Variants in CUTC observed in about 807,000 individuals in gnomAD.
CUTC encodes copper homeostasis protein cutC homolog.
A neutral mutation model predicts 36.2 loss-of-function variants in CUTC; 27 were observed. The ratio of observed to expected loss-of-function variants is 0.75; its 90% CI spans 0.55 to 1.03. The LOEUF (loss-of-function observed/expected upper bound fraction) is 1.03, where lower values mean the gene tolerates loss of function less well. CUTC is among the 50% of genes least tolerant of loss of function. CUTC has a pLI of 0.00. For synonymous variants in CUTC, 114 were observed against 118.3 expected (o/e 0.96, Z 0.24); for missense variants, 315 against 343.5 (o/e 0.92, Z 0.66).
In CUTC at chr10:99,739,787, C is replaced by G; in HGVS notation, c.193+18C>G. 6.2e-7 allele frequency: 1 copy of G among 1,602,036 alleles called. No individual in the cohort carries two copies. Among genetic ancestry groups the G allele is most frequent in the Non-Finnish European group, 8.5e-7 (1 of 1,175,786 alleles). ...CAGCATGGGTAAGTGTCCATTTTTC[C>G]CAGGTTTTCTGATTGGAGTTCATAG... On this transcript the variant is annotated intron_variant, in intron 3 of 8. Transcript: ENST00000370476.
In CUTC at chr10:99,735,832, C is replaced by G. The variant is rs191861186; in HGVS notation, c.62-414C>G. 1.6e-4 allele frequency among the ~76,000 whole-genome samples: 25 copies of G among 152,310 alleles called. No individual in the cohort carries two copies. The East Asian group carries it at 2.5e-3, about 15-fold the overall frequency. On this transcript the variant is annotated intron_variant, in intron 1 of 8. Transcript: ENST00000370476. The stretch of plus-strand genomic sequence containing the variant: ...TTTATAGAAAACTTAAGTAACTAAT[C>G]TAGGATCTCACACTAAATAGTTGGT...
At chr10:99,732,526 C>T in intron 1 of CUTC, 117 bp downstream of exon 1, 3 of 1,498,164 alleles carry the variant, frequency 2.0e-6, no homozygotes, top group Non-Finnish European at 2.7e-6. Flanking sequence ...CTTCCAGCCC[C>T]TTGGGCGGCA....
At chr10:99,746,405 T>C (rs1489925332) in intron 5 of CUTC, among the ~76,000 whole-genome samples, 1 of 151,970 alleles carries the variant, frequency 6.6e-6, no homozygotes, top group Admixed American at 6.6e-5. Flanking sequence ...AAAATAACTA[T>C]GAGTACTAGG....
chr10:99,751,260 CA>C (rs34434021), intron 7 of CUTC, among the ~76,000 whole-genome samples: 60,803 of 151,986 alleles, frequency 0.4, 12,358 homozygotes, highest in East Asian at 0.61. Context: ...ATTTAATACT[CA>C]ACTTTCTCCA....
chr10:99,741,020 A>C (rs1046171689), intron 3 of CUTC, among the ~76,000 whole-genome samples: 1 of 152,222 alleles, frequency 6.6e-6, no homozygotes, highest in Non-Finnish European at 1.5e-5. Flanking sequence ...TGCGAATTCT[A>C]ACATCTATAT....
At chr10:99,747,650 T>C (rs983425739) in intron 6 of CUTC, among the ~76,000 whole-genome samples, 1 of 152,248 alleles carries the variant, frequency 6.6e-6, no homozygotes, top group African/African-American at 2.4e-5. Flanking sequence ...TTTTACCTTT[T>C]CTCTGCCATG....
Position 99,743,222 on chromosome 10 carries a change from AT to A in CUTC, c.269del (p.Leu90CysfsTer9), listed in dbSNP as rs763602267. The A allele has an allele frequency of 6.2e-7, 1 of 1,614,028 alleles. No individual in the cohort carries two copies. Among genetic ancestry groups the A allele is most frequent in the Non-Finnish European group, 8.5e-7 (1 of 1,179,992 alleles). On this transcript the variant is annotated frameshift_variant, in exon 4 of 9. Transcript: ENST00000370476. LOFTEE classifies it high-confidence loss of function. Reference sequence around the variant, plus strand: ...GTGATGATTCGGCCACGGGGAGGTGATTTTTTGTATTCAGATCGTGAAATTG... The same window carrying A: ...GTGATGATTCGGCCACGGGGAGGTGATTTTTGTATTCAGATCGTGAAATTG... ...VFVMIRPRGGDFLYSDREIEV... is the reference protein window; with the variant it reads ...VFVMIRPRGGXFLYSDREIEV...
At chr10:99,750,422 A>C (rs1231745683) in intron 7 of CUTC, 26 bp downstream of exon 7, 1 of 1,579,870 alleles carries the variant, frequency 6.3e-7, no homozygotes, top group African/African-American at 1.4e-5. Flanking sequence ...TCAATTCACT[A>C]GCATAACACT....
chr10:99,743,837 A>AT (rs1328081121), intron 4 of CUTC, among the ~76,000 whole-genome samples, 200 bp from the exon 5 acceptor site: 6 of 152,136 alleles, frequency 3.9e-5, no homozygotes, highest in Non-Finnish European at 8.8e-5. Flanking sequence ...AGCCACGACC[A>AT]TTTTTTTGTA....
chr10:99,755,448 G>A (rs1223272723), intron 8 of CUTC, among the ~76,000 whole-genome samples, 177 bp from the exon 9 acceptor site: 2 of 150,510 alleles, frequency 1.3e-5, no homozygotes, highest in African/African-American at 2.4e-5. Context: ...CAAGTATACT[G>A]TCCAGTGGAT....
At chr10:99,736,461 G>T in intron 2 of CUTC, 144 bp downstream of exon 2, 3 of 610,174 alleles carry the variant, frequency 4.9e-6, no homozygotes, top group Non-Finnish European at 8.6e-6. Context: ...AAACCCTACT[G>T]GAAAATTATG....
chr10:99,733,737 G>A (rs2037259776), intron 1 of CUTC, among the ~76,000 whole-genome samples: 1 of 152,218 alleles, frequency 6.6e-6, no homozygotes, highest in Non-Finnish European at 1.5e-5. Context: ...ACTCTGAAAA[G>A]TCTCAGAGGC....
At chr10:99,750,969 G>A (rs1431448689) in intron 7 of CUTC, among the ~76,000 whole-genome samples, 1 of 152,112 alleles carries the variant, frequency 6.6e-6, no homozygotes, top group Non-Finnish European at 1.5e-5. Flanking sequence ...TAAAGAATTA[G>A]ATAATACAAC....
chr10:99,744,757 T>G (rs575769357), intron 5 of CUTC, among the ~76,000 whole-genome samples: 29 of 152,348 alleles, frequency 1.9e-4, no homozygotes, highest in East Asian at 9.6e-4. Context: ...ATATAATTTT[T>G]TTTGTTTGTT....
At chr10:99,745,439 A>G (rs2037371479) in intron 5 of CUTC, among the ~76,000 whole-genome samples, 1 of 152,196 alleles carries the variant, frequency 6.6e-6, no homozygotes, top group Non-Finnish European at 1.5e-5. Flanking sequence ...CACCTAATCC[A>G]CTGCAGGCTA....
intron 3 of CUTC, 31 bp from the exon 4 acceptor site, chr10:99,743,122 T>C (rs1288359381): frequency 6.2e-7 from 1 of 1,604,420 alleles, no homozygotes. Flanking sequence ...TAGCTCACAT[T>C]TGAATTTTAA....
chr10:99,750,569 A>G (rs2037408559), intron 7 of CUTC, among the ~76,000 whole-genome samples, 173 bp downstream of exon 7: 1 of 152,188 alleles, frequency 6.6e-6, no homozygotes. Context: ...GATCTGTGCT[A>G]GAATTTAAAA....
intron 8 of CUTC, 73 bp downstream of exon 8, chr10:99,754,707 T>C (rs2037442485): frequency 2.9e-6 from 3 of 1,020,570 alleles, no homozygotes; most frequent in Middle Eastern, 2.1e-4. Context: ...AGAAAAACTT[T>C]GGATGGGGGC....
intron 1 of CUTC, among the ~76,000 whole-genome samples, chr10:99,733,532 C>G (rs2037253705): frequency 6.6e-6 from 1 of 151,496 alleles, no homozygotes; most frequent in Admixed American, 6.6e-5. Flanking sequence ...TTCAGTCTAA[C>G]ATGTCAAGTA....
Sources: allele counts gnomAD v4.1 joint callset (sites outside exome capture counted in the v4.1 genomes callset), GRCh38; gene constraint gnomAD v4.1.1; transcripts MANE v1.5; gene names NCBI Gene and HGNC (gene_info 2026-07-23, HGNC 2026-07-21).